Variants in PTPRT observed in about 807,000 individuals in gnomAD.
PTPRT encodes protein tyrosine phosphatase receptor type T.
Under a neutral mutation model 176.8 loss-of-function variants are expected in PTPRT, and 56 were observed. The ratio of observed to expected loss-of-function variants is 0.32; its 90% CI spans 0.26 to 0.40. PTPRT has a LOEUF of 0.40. PTPRT is among the 10% of genes least tolerant of loss of function. The pLI, the probability that PTPRT is intolerant of heterozygous loss-of-function variation, is 1.00. For synonymous variants in PTPRT, 783 were observed against 739.0 expected, an observed-to-expected ratio of 1.06 and a Z score of -0.96; for missense variants, 1,540 against 1,908.2, an observed-to-expected ratio of 0.81 and a Z score of 3.60.
chr20:42,864,302 A>C (rs1471953823), intron 2 of PTPRT, among the ~76,000 whole-genome samples: 1 of 152,194 alleles, frequency 6.6e-6, no homozygotes, highest in African/African-American at 2.4e-5. Context: ...CAGCCCACCT[A>C]GTGTTAAACA....
At chr20:42,256,331 C>T (rs886386933) in intron 13 of PTPRT, among the ~76,000 whole-genome samples, 1 of 152,100 alleles carries the variant, frequency 6.6e-6, no homozygotes, top group Non-Finnish European at 1.5e-5. Context: ...CTGGATACTT[C>T]ATTAGATTCA....
chr20:42,513,621 G>A (rs1339299214), intron 7 of PTPRT, among the ~76,000 whole-genome samples: 2 of 151,906 alleles, frequency 1.3e-5, no homozygotes, highest in African/African-American at 4.8e-5. Context: ...ACATTTCCAG[G>A]TGCTGGGAAA....
At chr20:42,090,722 G>A (rs780488939) in intron 27 of PTPRT, among the ~76,000 whole-genome samples, 2 of 152,132 alleles carry the variant, frequency 1.3e-5, no homozygotes, top group African/African-American at 4.8e-5. Context: ...AAAGCTTATG[G>A]TTTCTTAAGG....
chr20:42,491,307 T>C (rs1026865180), intron 7 of PTPRT, among the ~76,000 whole-genome samples: 2 of 152,156 alleles, frequency 1.3e-5, no homozygotes, highest in Non-Finnish European at 2.9e-5. Context: ...CATGGATATG[T>C]TGGACAAATG....
At chr20:43,102,054 G>C (rs2012409756) in intron 1 of PTPRT, among the ~76,000 whole-genome samples, 1 of 152,100 alleles carries the variant, frequency 6.6e-6, no homozygotes, top group Admixed American at 6.5e-5. Context: ...AGGGCAAAAG[G>C]GCATGGAGCC....
At chr20:42,214,913 C>G (rs2146758063) in intron 15 of PTPRT, among the ~76,000 whole-genome samples, 1 of 152,334 alleles carries the variant, frequency 6.6e-6, no homozygotes, top group Non-Finnish European at 1.5e-5. Context: ...GATGTATAGT[C>G]TTGGGCAATT....
chr20:42,804,621 G>C (rs576759281), intron 2 of PTPRT, among the ~76,000 whole-genome samples: 1 of 152,344 alleles, frequency 6.6e-6, no homozygotes, highest in South Asian at 2.1e-4. Flanking sequence ...AACAACAGAA[G>C]TTGATCGTCT....
At chr20:42,452,935 G>C (rs2070857068) in intron 8 of PTPRT, among the ~76,000 whole-genome samples, 2 of 152,088 alleles carry the variant, frequency 1.3e-5, no homozygotes, top group South Asian at 2.1e-4. Context: ...TAATTGACCA[G>C]TCAAAACTTG....
chr20:42,183,354 A>T (rs1021561635), intron 16 of PTPRT, among the ~76,000 whole-genome samples: 2 of 152,120 alleles, frequency 1.3e-5, no homozygotes, highest in Non-Finnish European at 2.9e-5. Context: ...AGACGCTAAC[A>T]CCGTCCCCTG....
intron 6 of PTPRT, among the ~76,000 whole-genome samples, chr20:42,737,276 C>T (rs1406375770): frequency 6.6e-6 from 1 of 152,142 alleles, no homozygotes; most frequent in African/African-American, 2.4e-5. Flanking sequence ...GAGGCAGAGA[C>T]AGGAATGATG....
the PTPRT span, among the ~76,000 whole-genome samples, chr20:42,046,778 AGTGT>A: frequency 6.6e-6 from 1 of 150,706 alleles, no homozygotes; most frequent in Non-Finnish European, 1.5e-5. Context: ...TTGTCATGTG[AGTGT>A]GTGTGTGTGT....
At chr20:42,744,729 A>T (rs1757498626) in intron 6 of PTPRT, among the ~76,000 whole-genome samples, 1 of 152,228 alleles carries the variant, frequency 6.6e-6, no homozygotes, top group African/African-American at 2.4e-5. Flanking sequence ...AGGCGTGTTC[A>T]ATCTTTTGAC....
Position 42,081,957 on chromosome 20 carries a change from C to T in PTPRT, c.4197G>A (p.Gln1399=), listed in dbSNP as rs1488785720. The T allele has an allele frequency of 1.2e-6, 2 of 1,614,226 alleles. No individual in the cohort carries two copies. Among genetic ancestry groups the T allele is most frequent in the Non-Finnish European group, 1.7e-6 (2 of 1,180,044 alleles). Residue 1399 remains glutamine, a synonymous_variant, in exon 30 of 31, where the codon CAG becomes CAA. Coordinates refer to ENST00000373187, the MANE Select transcript of PTPRT (RefSeq NM_007050.6). ...GGAACACGTCAATGATGTTTTGCTGCTGGATCATCTCACACACACTGCAGA... is the reference window on the plus strand; with the variant it reads ...GGAACACGTCAATGATGTTTTGCTGTTGGATCATCTCACACACACTGCAGA... The part of the protein sequence containing the change: ...CAICSVCEMI[Q]QQNIIDVFHI...
At chr20:42,320,779 C>G (rs2057789951) in intron 11 of PTPRT, among the ~76,000 whole-genome samples, 1 of 152,150 alleles carries the variant, frequency 6.6e-6, no homozygotes, top group Admixed American at 6.5e-5. Context: ...CATCTCAAAC[C>G]AAAGGCTTTT....
intron 7 of PTPRT, among the ~76,000 whole-genome samples, chr20:42,496,338 A>G (rs1011544687): frequency 6.6e-6 from 1 of 152,124 alleles, no homozygotes; most frequent in African/African-American, 2.4e-5. Context: ...AAATGTTTCT[A>G]TGTGGTACCA....
chr20:42,512,441 A>T (rs767572699), intron 7 of PTPRT, among the ~76,000 whole-genome samples: 1 of 152,208 alleles, frequency 6.6e-6, no homozygotes, highest in African/African-American at 2.4e-5. Flanking sequence ...TTTGAGATTC[A>T]TCCAGTTGTG....
At chr20:42,044,201 C>T in the PTPRT span, among the ~76,000 whole-genome samples, 1 of 152,188 alleles carries the variant, frequency 6.6e-6, no homozygotes, top group African/African-American at 2.4e-5. Context: ...GAGGCCTCCT[C>T]CAGTTGGACT....
chr20:42,427,376 G>A (rs1345019771), intron 9 of PTPRT, among the ~76,000 whole-genome samples: 1 of 152,156 alleles, frequency 6.6e-6, no homozygotes, highest in Non-Finnish European at 1.5e-5. Flanking sequence ...AGTTTGGGCT[G>A]CTATAACAAA....
At chr20:42,920,196 G>A (rs974933254) in intron 1 of PTPRT, among the ~76,000 whole-genome samples, 1 of 152,226 alleles carries the variant, frequency 6.6e-6, no homozygotes, top group Non-Finnish European at 1.5e-5. Context: ...ACTTGTGGGA[G>A]ATCCTTGCCA....
Sources: allele counts gnomAD v4.1 joint callset (sites outside exome capture counted in the v4.1 genomes callset), GRCh38; gene constraint gnomAD v4.1.1; transcripts MANE v1.5; gene names NCBI Gene and HGNC (gene_info 2026-07-23, HGNC 2026-07-21).